The following SCAI variants were observed in gnomAD, a reference collection of about 807,000 sequenced individuals.
SCAI encodes protein SCAI.
In SCAI, 24 loss-of-function variants were observed where a neutral mutation model predicts 92.2. The observed-to-expected ratio is 0.26, with a 90% CI of 0.19 to 0.37. The LOEUF (loss-of-function observed/expected upper bound fraction) is 0.37, where lower values mean the gene tolerates loss of function less well. Ranked by LOEUF, SCAI falls within the 10% of genes least tolerant of loss-of-function variation. The pLI, the probability that SCAI is intolerant of heterozygous loss-of-function variation, is 1.00. For synonymous variants in SCAI, 261 were observed against 258.6 expected (o/e 1.01, Z -0.09); for missense variants, 450 against 736.2 (o/e 0.61, Z 4.50).
At chr9:125,080,936 A>G (rs747287494) in intron 2 of SCAI, among the ~76,000 whole-genome samples, 16 of 152,328 alleles carry the variant, frequency 1.1e-4, no homozygotes, top group Non-Finnish European at 1.8e-4. Flanking sequence ...GATAGTGAAT[A>G]AGTCTCATGA....
intron 3 of SCAI, among the ~76,000 whole-genome samples, chr9:125,033,135 G>A (rs537868084): frequency 5.6e-4 from 85 of 151,994 alleles, no homozygotes; most frequent in African/African-American, 1.9e-3. Context: ...AGGCTGAGGC[G>A]GAAAGATTGC....
At chr9:125,042,540 T>C (rs1169471724) in intron 3 of SCAI, among the ~76,000 whole-genome samples, 4 of 151,346 alleles carry the variant, frequency 2.6e-5, no homozygotes, top group African/African-American at 9.7e-5. Flanking sequence ...TAACTCTTTT[T>C]TCTGTCCTTA....
In SCAI at chr9:125,046,306, CAT is replaced by C. The variant is rs1343772268; in HGVS notation, c.230+9568_230+9569del. 3.8e-3 allele frequency among the ~76,000 whole-genome samples: 126 copies of C among 32,864 alleles called. 3 individuals carry two copies. The highest frequency in any genetic ancestry group is 0.01 in the African/African-American group (109 of 10,560). 21.6% of individuals were successfully genotyped at this position (32,864 alleles called of 152,430 possible). On this transcript the variant is annotated intron_variant, in intron 3 of 17. Transcript: ENST00000336505. ...ATTTCATTCCTTTTATGGCCTATCTCATATATATATACACACACACACACACA... is the reference window on the plus strand; with the variant it reads ...ATTTCATTCCTTTTATGGCCTATCTCATATATATACACACACACACACACA...
intron 3 of SCAI, among the ~76,000 whole-genome samples, chr9:125,042,615 A>ATGTGTGTGTT (rs1554783810): frequency 1.3e-3 from 135 of 105,190 alleles, no homozygotes; most frequent in African/African-American, 4.6e-3. Flanking sequence ...CCACCAGAGT[A>ATGTGTGTGTT]TGTGTGTGTG....
intron 17 of SCAI, among the ~76,000 whole-genome samples, chr9:124,971,014 CAT>C: frequency 6.6e-6 from 1 of 151,944 alleles, no homozygotes; most frequent in South Asian, 2.1e-4. Flanking sequence ...GGAGTTTCAG[CAT>C]GTTGGCCAGG....
intron 9 of SCAI, among the ~76,000 whole-genome samples, chr9:125,016,261 AC>A (rs1294762386): frequency 6.6e-6 from 1 of 150,644 alleles, no homozygotes; most frequent in Non-Finnish European, 1.5e-5. Context: ...GGTGGCACAC[AC>A]CTGTAGTCCC....
chr9:125,099,107 CTT>C (rs1172457882), intron 2 of SCAI, among the ~76,000 whole-genome samples: 1 of 152,144 alleles, frequency 6.6e-6, no homozygotes, highest in Non-Finnish European at 1.5e-5. Flanking sequence ...TAGAGAAACA[CTT>C]CCTTGAAGTT....
At chr9:125,103,448 G>C (rs1189190180) in intron 2 of SCAI, among the ~76,000 whole-genome samples, 2 of 152,120 alleles carry the variant, frequency 1.3e-5, no homozygotes, top group East Asian at 3.8e-4. Flanking sequence ...TTAATAAAAA[G>C]AACCAGAAGT....
chr9:124,975,939 G>A (rs1284881212), intron 15 of SCAI, among the ~76,000 whole-genome samples, 175 bp downstream of exon 15: 1 of 152,082 alleles, frequency 6.6e-6, no homozygotes, highest in African/African-American at 2.4e-5. Flanking sequence ...CACATTAAGG[G>A]ATCCTGGTTG....
intron 2 of SCAI, among the ~76,000 whole-genome samples, chr9:125,107,799 TCCCTCTCCCCTCTC>T (rs776768028): frequency 4.0e-5 from 6 of 151,802 alleles, no homozygotes; most frequent in Non-Finnish European, 8.8e-5. Flanking sequence ...GTAAATAAGC[TCCCTCTCCCCTCTC>T]CCCTCTCCAT....
chr9:124,998,207 G>A (rs1158502805), intron 13 of SCAI, among the ~76,000 whole-genome samples: 1 of 152,154 alleles, frequency 6.6e-6, no homozygotes, highest in African/African-American at 2.4e-5. Context: ...GCTCATGCCT[G>A]TAATTCCAGC....
At chr9:125,011,308 C>G (rs1201944509) in intron 9 of SCAI, among the ~76,000 whole-genome samples, 3 of 152,148 alleles carry the variant, frequency 2.0e-5, no homozygotes, top group Non-Finnish European at 4.4e-5. Flanking sequence ...TAATGTATAA[C>G]TAGGATAACC....
chr9:124,983,648 C>T (rs1410224376), intron 14 of SCAI, among the ~76,000 whole-genome samples: 4 of 152,218 alleles, frequency 2.6e-5, no homozygotes, highest in African/African-American at 4.8e-5. Flanking sequence ...CCACCGTGCC[C>T]GGCCTAGAGC....
At chr9:124,990,226 C>A (rs181775580) in intron 14 of SCAI, among the ~76,000 whole-genome samples, 1 of 151,918 alleles carries the variant, frequency 6.6e-6, no homozygotes, top group African/African-American at 2.4e-5. Flanking sequence ...CGGTGGTTCA[C>A]GCCTGTAATT....
chr9:125,066,841 A>G (rs1284313751), intron 2 of SCAI, among the ~76,000 whole-genome samples: 1 of 152,154 alleles, frequency 6.6e-6, no homozygotes, highest in Non-Finnish European at 1.5e-5. Flanking sequence ...CTATGTTTAG[A>G]TATGTTTGGA....
intron 13 of SCAI, among the ~76,000 whole-genome samples, chr9:124,999,549 C>T (rs1182460039): frequency 1.3e-5 from 2 of 152,020 alleles, no homozygotes; most frequent in East Asian, 1.9e-4. Flanking sequence ...TTTAAAAGTT[C>T]GTATTGATGT....
At chr9:125,007,598 C>CA (rs1017508316) in intron 9 of SCAI, among the ~76,000 whole-genome samples, 29 of 151,706 alleles carry the variant, frequency 1.9e-4, no homozygotes, top group African/African-American at 7.0e-4. Context: ...TACAGTGAGC[C>CA]ATGACTGTGC....
intron 2 of SCAI, among the ~76,000 whole-genome samples, chr9:125,133,744 A>C (rs1020254588): frequency 2.2e-5 from 3 of 136,860 alleles, no homozygotes; most frequent in African/African-American, 7.6e-5. Flanking sequence ...TTCAAAAAAC[A>C]AAAAAAAAAG....
At position 124,995,031 on chromosome 9, in the gene SCAI, C is replaced by T. The variant is rs6478690; in HGVS notation, c.1245-16G>A. 0.6 allele frequency: 947,811 copies of T among 1,584,042 alleles called. 286,988 individuals are homozygous for T. The highest frequency in any genetic ancestry group is 0.77 in the African/African-American group (57,090 of 74,482). On this transcript the variant is annotated splice_polypyrimidine_tract_variant and intron_variant, in intron 13 of 17. Transcript: ENST00000336505. ...GGGATGAAGGCTGGGAAAACAACAA[C>T]GAAGAACTGTTAAACTGTGTCAGCC...
Sources: gnomAD v4.1 joint callset for allele counts (sites outside exome capture counted in the v4.1 genomes callset) on GRCh38, gnomAD v4.1.1 for gene constraint, MANE v1.5 for transcripts, NCBI Gene and HGNC (gene_info 2026-07-23, HGNC 2026-07-21) for gene names.